Variants in EDIL3 observed in about 807,000 individuals in gnomAD.
EDIL3 encodes EGF-like repeat and discoidin I-like domain-containing protein 3.
In EDIL3, 37 loss-of-function variants were observed where a neutral mutation model predicts 67.4. That is an observed-to-expected ratio of 0.55 (90% CI 0.42 to 0.72). The LOEUF (loss-of-function observed/expected upper bound fraction) is 0.72. EDIL3 is among the 30% of genes least tolerant of loss of function. The probability of loss-of-function intolerance (pLI) is 0.00; values close to 1 mark genes in which losing one functional copy is unlikely to be tolerated. For synonymous variants in EDIL3, 195 were observed against 196.3 expected (o/e 0.99, Z 0.05); for missense variants, 527 against 586.3 (o/e 0.90, Z 1.04).
At chr5:83,983,082 A>C (rs114844148) in intron 9 of EDIL3, among the ~76,000 whole-genome samples, 79 of 152,252 alleles carry the variant, frequency 5.2e-4, no homozygotes, top group Middle Eastern at 6.8e-3. Context: ...AAGCCTTTTT[A>C]TAATTGCTTT....
At chr5:84,254,290 G>A in intron 1 of EDIL3, 78 bp from the exon 2 acceptor site, 2 of 1,466,014 alleles carry the variant, frequency 1.4e-6, no homozygotes, top group South Asian at 2.9e-5. Context: ...ACTTTGCTAT[G>A]GATGTTCCCT....
At position 84,180,387 on chromosome 5, in the gene EDIL3, A is replaced by G; in HGVS notation, c.355+6T>C. On this transcript the variant is annotated splice_donor_region_variant and intron_variant, in intron 4 of 10. Transcript: ENST00000296591. Reference sequence around the variant, plus strand: ...AATAAAAGTACAATGACTATGAATAACTTACTGTGCTGACAGTGAATCCCA... The same window carrying G: ...AATAAAAGTACAATGACTATGAATAGCTTACTGTGCTGACAGTGAATCCCA... The G allele has an allele frequency of 6.3e-7, 1 of 1,581,930 alleles. No individual in the cohort carries two copies. Among genetic ancestry groups the G allele is most frequent in the South Asian group, 1.2e-5 (1 of 84,588 alleles).
rs1748180453 is a variant in EDIL3, at chr5:84,384,446, C to T, written c.-72G>A. The T allele has an allele frequency of 4.0e-6, 6 of 1,495,498 alleles. No homozygotes were observed. Among genetic ancestry groups the T allele is most frequent in the Admixed American group, 3.5e-5 (2 of 57,948 alleles). The allele number at this position is 1,495,498 out of a possible 1,614,324, so 92.6% of individuals were successfully genotyped here. A position where few individuals can be genotyped will look rare whatever the true frequency, so the allele number is the denominator to read the frequency against. On this transcript the variant is annotated 5_prime_UTR_variant, in exon 1 of 11. Transcript: ENST00000296591. ...GAGGGCAGTGTAGCCGAGGTGGCAG[C>T]GCAGGGCAGCAGCAGACTCCGCCCC...
At chr5:84,249,425 ATCT>A (rs1744979349) in intron 2 of EDIL3, among the ~76,000 whole-genome samples, 1 of 138,572 alleles carries the variant, frequency 7.2e-6, no homozygotes. Flanking sequence ...CTATCTATCT[ATCT>A]ATCATCTATT....
intron 5 of EDIL3, among the ~76,000 whole-genome samples, chr5:84,129,381 T>G (rs972317955): frequency 8.6e-5 from 13 of 152,024 alleles, no homozygotes; most frequent in African/African-American, 3.1e-4. Flanking sequence ...TATATATGGT[T>G]ACAGTTATTT....
intron 1 of EDIL3, among the ~76,000 whole-genome samples, chr5:84,335,450 T>C (rs1309784134): frequency 1.3e-5 from 2 of 152,194 alleles, no homozygotes; most frequent in East Asian, 1.9e-4. Context: ...CCTTTTATTT[T>C]GTTATATATT....
At chr5:84,247,408 G>C (rs1403918305) in intron 2 of EDIL3, among the ~76,000 whole-genome samples, 1 of 150,748 alleles carries the variant, frequency 6.6e-6, no homozygotes, top group African/African-American at 2.5e-5. Context: ...GACAACGTCA[G>C]ACTCTATTAT....
intron 4 of EDIL3, among the ~76,000 whole-genome samples, chr5:84,163,228 T>C (rs1748644587): frequency 6.6e-6 from 1 of 152,060 alleles, no homozygotes; most frequent in East Asian, 1.9e-4. Context: ...ATATACTCTC[T>C]AAACCATTTG....
chr5:83,973,654 A>G (rs1385365249), intron 9 of EDIL3, among the ~76,000 whole-genome samples: 1 of 152,096 alleles, frequency 6.6e-6, no homozygotes, highest in African/African-American at 2.4e-5. Context: ...TTTACTGAAT[A>G]TAATTTTATG....
chr5:84,355,301 C>CG (rs1278055174), intron 1 of EDIL3, among the ~76,000 whole-genome samples: 2 of 151,908 alleles, frequency 1.3e-5, no homozygotes, highest in Non-Finnish European at 2.9e-5. Context: ...GTATGCTTCA[C>CG]GAAGTTCTCG....
chr5:84,165,020 T>C (rs1190369158), intron 4 of EDIL3, among the ~76,000 whole-genome samples: 1 of 151,994 alleles, frequency 6.6e-6, no homozygotes. Context: ...GAAGGACGGA[T>C]GGCAAGTGGC....
intron 9 of EDIL3, among the ~76,000 whole-genome samples, chr5:84,003,787 A>T (rs1745370769): frequency 6.6e-6 from 1 of 152,116 alleles, no homozygotes. Flanking sequence ...ACAATCAGCT[A>T]ACAACATGAT....
intron 1 of EDIL3, among the ~76,000 whole-genome samples, chr5:84,293,520 G>A (rs1210609380): frequency 1.3e-5 from 2 of 150,770 alleles, no homozygotes; most frequent in African/African-American, 5.0e-5. Flanking sequence ...CCCATGTAGA[G>A]GCAAACATAG....
At chr5:84,183,847 T>G (rs1749056421) in intron 3 of EDIL3, among the ~76,000 whole-genome samples, 1 of 152,190 alleles carries the variant, frequency 6.6e-6, no homozygotes, top group Non-Finnish European at 1.5e-5. Context: ...GGCTCACGCC[T>G]GTAATCCCAG....
chr5:84,092,696 T>G (rs1036070647), intron 6 of EDIL3, among the ~76,000 whole-genome samples: 1 of 152,164 alleles, frequency 6.6e-6, no homozygotes, highest in South Asian at 2.1e-4. Flanking sequence ...TTAACAATAT[T>G]ACATCTAAAG....
At chr5:84,335,384 A>G (rs1292366422) in intron 1 of EDIL3, among the ~76,000 whole-genome samples, 3 of 151,980 alleles carry the variant, frequency 2.0e-5, no homozygotes, top group African/African-American at 7.3e-5. Context: ...TCTTCTGTTC[A>G]TTCTCCTTTT....
chr5:83,999,384 C>T (rs1200878482), intron 9 of EDIL3, among the ~76,000 whole-genome samples: 1 of 152,000 alleles, frequency 6.6e-6, no homozygotes, highest in Non-Finnish European at 1.5e-5. Context: ...TTTGGGGAAG[C>T]TCAATGAAAT....
At chr5:84,071,206 T>C (rs958435255) in intron 6 of EDIL3, among the ~76,000 whole-genome samples, 2 of 152,062 alleles carry the variant, frequency 1.3e-5, no homozygotes, top group Non-Finnish European at 2.9e-5. Context: ...GACTGTAGAG[T>C]CAGTACAGAT....
At chr5:84,224,494 T>A (rs1744410125) in intron 3 of EDIL3, among the ~76,000 whole-genome samples, 1 of 151,518 alleles carries the variant, frequency 6.6e-6, no homozygotes, top group African/African-American at 2.4e-5. Flanking sequence ...TATAGTCAGT[T>A]TATGAAGTAT....
Sources: gnomAD v4.1 joint callset for allele counts (sites outside exome capture counted in the v4.1 genomes callset) on GRCh38, gnomAD v4.1.1 for gene constraint, MANE v1.5 for transcripts, NCBI Gene and HGNC (gene_info 2026-07-23, HGNC 2026-07-21) for gene names.